Variants in ZNF254 observed in about 807,000 individuals in gnomAD.
ZNF254 encodes CTD-2017D11.1.
In ZNF254, 10 loss-of-function variants were observed where a neutral mutation model predicts 12.4. The ratio of observed to expected loss-of-function variants is 0.80; its 90% CI spans 0.50 to 1.36. The LOEUF (loss-of-function observed/expected upper bound fraction) is 1.36. Among genes scored for constraint, ZNF254 ranks in the 40% most tolerant of loss-of-function variants. The pLI is 0.00. For missense variants in ZNF254, 996 were observed against 763.9 expected, an observed-to-expected ratio of 1.30 and a Z score of -3.58; for synonymous variants, 305 against 253.4, an observed-to-expected ratio of 1.20 and a Z score of -1.93.
At chr19:24,098,650 TATATC>T (rs1972811668) in intron 1 of ZNF254, 2 of 152,226 alleles carry the variant, frequency 1.3e-5, no homozygotes, top group African/African-American at 4.8e-5. Context: ...TGAGCAATCT[TATATC>T]TAATCTCAGG....
At chr19:24,114,942 C>A (rs1230779052) in intron 3 of ZNF254, among the ~76,000 whole-genome samples, 2 of 152,270 alleles carry the variant, frequency 1.3e-5, no homozygotes, top group Non-Finnish European at 2.9e-5. Context: ...CATCACTGGC[C>A]ATCAGAGAAA....
At chr19:24,094,680 C>T (rs188058872) in intron 1 of ZNF254, among the ~76,000 whole-genome samples, 361 of 151,598 alleles carry the variant, frequency 2.4e-3, no homozygotes, top group African/African-American at 8.3e-3. Flanking sequence ...AAGAATGCTT[C>T]GGGTTTTTTT....
At chr19:24,073,827 TGACTC>T (rs1971565009) in intron 2 of ZNF254, among the ~76,000 whole-genome samples, 1 of 152,250 alleles carries the variant, frequency 6.6e-6, no homozygotes. Context: ...CAAAAAGTGT[TGACTC>T]TAATACCTAG....
intron 1 of ZNF254, among the ~76,000 whole-genome samples, chr19:24,088,914 C>T (rs1972191944): frequency 6.6e-6 from 1 of 151,798 alleles, no homozygotes; most frequent in Admixed American, 6.6e-5. Context: ...GCATCAGCCT[C>T]CCCAAGAGCT....
chr19:24,037,854 C>T (rs1282309442), intron 1 of ZNF254, among the ~76,000 whole-genome samples: 2 of 152,204 alleles, frequency 1.3e-5, no homozygotes, highest in East Asian at 3.9e-4. Flanking sequence ...GGTGATCCAC[C>T]TGCCTCGGCC....
chr19:24,100,305 A>G (rs1972935057), intron 1 of ZNF254, among the ~76,000 whole-genome samples: 1 of 151,700 alleles, frequency 6.6e-6, no homozygotes, highest in Non-Finnish European at 1.5e-5. Flanking sequence ...AATGCTCACA[A>G]TTGCAGGTAA....
chr19:24,058,551 G>A (rs1323287167), intron 2 of ZNF254, among the ~76,000 whole-genome samples: 1 of 151,926 alleles, frequency 6.6e-6, no homozygotes, highest in Non-Finnish European at 1.5e-5. Flanking sequence ...TAGATTACAG[G>A]CATGCGCCAC....
In ZNF254 at chr19:24,126,581, T is replaced by G; in HGVS notation, c.581T>G (p.Leu194Arg). The change falls in exon 4 of 4, where the codon CTT becomes CGT. Residue 194 changes from leucine to arginine, a missense_variant. By Grantham distance (102) the Leu-to-Arg change is moderately radical. Transcript: ENST00000357002. Reference sequence around the variant, plus strand: ...AAACGTGTCAAATTATTTTGCATGCTTTCACATAAAACCCAACACAAAAGC... The same window carrying G: ...AAACGTGTCAAATTATTTTGCATGCGTTCACATAAAACCCAACACAAAAGC... ...CKKRVKLFCMLSHKTQHKSIY... is the reference protein window; with the variant it reads ...CKKRVKLFCMRSHKTQHKSIY... 6.2e-7 allele frequency: 1 copy of G among 1,604,840 alleles called. No individual in the cohort carries two copies. Among genetic ancestry groups the G allele is most frequent in the South Asian group, 1.1e-5 (1 of 88,660 alleles).
At chr19:24,088,603 T>C (rs943119818) in intron 1 of ZNF254, among the ~76,000 whole-genome samples, 7 of 152,154 alleles carry the variant, frequency 4.6e-5, no homozygotes, top group African/African-American at 9.7e-5. Flanking sequence ...TATCATCTAT[T>C]TGTCCTTTAG....
In ZNF254 at chr19:24,087,223, G is replaced by T; in HGVS notation, c.-85G>T. 1 of 1,590,718 alleles carries T rather than the reference G, an allele frequency of 6.3e-7. No homozygotes were observed. Among genetic ancestry groups the T allele is most frequent in the Non-Finnish European group, 8.6e-7 (1 of 1,160,592 alleles). Reference sequence around the variant, plus strand: ...TCGCTGTCGCCGGAGTCCCAGGTCTGTCTTCACTGCTCTGTGTCCTCTGCT... The same window carrying T: ...TCGCTGTCGCCGGAGTCCCAGGTCTTTCTTCACTGCTCTGTGTCCTCTGCT... On this transcript the variant is annotated 5_prime_UTR_variant, in exon 1 of 4. Transcript: ENST00000357002.
At chr19:24,067,436 T>G (rs974525356) in intron 2 of ZNF254, among the ~76,000 whole-genome samples, 1 of 151,830 alleles carries the variant, frequency 6.6e-6, no homozygotes, top group African/African-American at 2.4e-5. Flanking sequence ...GTAGGAAATT[T>G]GACATATCGC....
At chr19:24,074,798 A>G (rs1971600042) in intron 2 of ZNF254, among the ~76,000 whole-genome samples, 2 of 152,166 alleles carry the variant, frequency 1.3e-5, no homozygotes, top group East Asian at 1.9e-4. Flanking sequence ...TCCAGCTCTT[A>G]GGTTATGCAA....
intron 1 of ZNF254, among the ~76,000 whole-genome samples, chr19:24,039,569 C>G (rs1274112269): frequency 6.6e-6 from 1 of 152,168 alleles, no homozygotes; most frequent in Non-Finnish European, 1.5e-5. Context: ...GGATTACAGG[C>G]TCTCATTTCT....
At chr19:24,060,601 CCCG>C (rs1971029461) in intron 2 of ZNF254, among the ~76,000 whole-genome samples, 1 of 152,084 alleles carries the variant, frequency 6.6e-6, no homozygotes, top group Non-Finnish European at 1.5e-5. Context: ...TTATGACTCT[CCCG>C]CCTGGTCCAT....
intron 1 of ZNF254, among the ~76,000 whole-genome samples, chr19:24,041,801 G>A (rs984771442): frequency 1.3e-5 from 2 of 152,266 alleles, no homozygotes; most frequent in Admixed American, 1.3e-4. Flanking sequence ...GACGTGGAGA[G>A]TCTTTATATC....
At chr19:24,094,548 C>G (rs1972566842) in intron 1 of ZNF254, among the ~76,000 whole-genome samples, 1 of 152,046 alleles carries the variant, frequency 6.6e-6, no homozygotes, top group African/African-American at 2.4e-5. Flanking sequence ...CGTGAGTCAC[C>G]TTACCTGGCC....
intron 2 of ZNF254, among the ~76,000 whole-genome samples, chr19:24,055,633 C>G (rs1261856820): frequency 6.6e-6 from 1 of 152,106 alleles, no homozygotes; most frequent in Non-Finnish European, 1.5e-5. Flanking sequence ...ATCATATTCT[C>G]ACATAAACAC....
At position 24,128,572 on chromosome 19, in the gene ZNF254, T is replaced by G. The variant is rs2146041176; in HGVS notation, c.*592T>G. The stretch of plus-strand genomic sequence containing the variant: ...AAATTTTGTTGAACATCAGGGAGTT[T>G]AAGAAAACCCTGCAAGTATAATGAA... On this transcript the variant is annotated 3_prime_UTR_variant, in exon 4 of 4. Transcript: ENST00000357002. 1 of 152,206 alleles carries G rather than the reference T, an allele frequency of 6.6e-6. No homozygotes were observed. The highest frequency in any genetic ancestry group is 1.5e-5 in the Non-Finnish European group (1 of 67,946). 9.4% of individuals were successfully genotyped at this position (152,206 alleles called of 1,614,324 possible).
intron 2 of ZNF254, among the ~76,000 whole-genome samples, chr19:24,047,088 C>T (rs960235235): frequency 4.0e-5 from 6 of 151,898 alleles, no homozygotes; most frequent in African/African-American, 9.7e-5. Flanking sequence ...AGTCTGGTCT[C>T]GAACTCCTGA....
Sources: gnomAD v4.1 joint callset for allele counts (sites outside exome capture counted in the v4.1 genomes callset) on GRCh38, gnomAD v4.1.1 for gene constraint, MANE v1.5 for transcripts, NCBI Gene and HGNC (gene_info 2026-07-23, HGNC 2026-07-21) for gene names.